ME3: variants seen among roughly 807,000 people sequenced by gnomAD.
ME3 encodes the protein NADP-dependent malic enzyme, mitochondrial.
A neutral mutation model predicts 68.9 loss-of-function variants in ME3; 48 were observed. The ratio of observed to expected loss-of-function variants is 0.70; its 90% CI spans 0.55 to 0.89. The LOEUF (loss-of-function observed/expected upper bound fraction) is 0.89, where lower values mean the gene tolerates loss of function less well. Ranked by LOEUF, ME3 falls within the 40% of genes least tolerant of loss-of-function variation. The pLI is 0.00. For missense variants in ME3, 675 were observed against 797.4 expected, an observed-to-expected ratio of 0.85 and a Z score of 1.85; for synonymous variants, 320 against 318.8, an observed-to-expected ratio of 1.00 and a Z score of -0.04.
chr11:86,577,304 G>T (rs1310158043), intron 2 of ME3, among the ~76,000 whole-genome samples: 1 of 152,120 alleles, frequency 6.6e-6, no homozygotes, highest in African/African-American at 2.4e-5. Context: ...ACACCTCCTA[G>T]GGTCCTCACA....
chr11:86,521,708 A>G (rs1268302737), intron 4 of ME3, among the ~76,000 whole-genome samples: 1 of 152,126 alleles, frequency 6.6e-6, no homozygotes, highest in Non-Finnish European at 1.5e-5. Context: ...ACAATTATTT[A>G]TTTTTCTTTT....
intron 4 of ME3, among the ~76,000 whole-genome samples, chr11:86,510,530 T>C (rs1953440351): frequency 6.6e-6 from 1 of 152,210 alleles, no homozygotes; most frequent in African/African-American, 2.4e-5. Context: ...GGCCAATGAC[T>C]CTCAAATATC....
chr11:86,656,713 C>T (rs1214973941), intron 2 of ME3, among the ~76,000 whole-genome samples: 18 of 152,024 alleles, frequency 1.2e-4, no homozygotes, highest in South Asian at 8.3e-4. Context: ...CAAACCTGCA[C>T]GTTGTGCACA....
At position 86,446,225 on chromosome 11, in the gene ME3, G is replaced by A. The variant is rs567719091; in HGVS notation, c.1554+89C>T. ...CCACTGGCAATGTTGGGGCAGATGG[G>A]CAGAAGAGATAAGAGAGATCTGGTA... On this transcript the variant is annotated intron_variant, in intron 13 of 14. Coordinates refer to ENST00000543262, the Ensembl canonical transcript of ME3. The A allele has an allele frequency of 1.5e-4, 222 of 1,452,892 alleles. No individual in the cohort carries two copies. In the Middle Eastern group the frequency reaches 1.7e-3, roughly 11 times the overall value. The allele number at this position is 1,452,892 out of a possible 1,614,324, so 90.0% of individuals were successfully genotyped here. A position where few individuals can be genotyped will look rare whatever the true frequency, so the allele number is the denominator to read the frequency against.
chr11:86,449,973 G>A (rs747249141), exon 10 of ME3: 1 of 1,614,036 alleles, frequency 6.2e-7, no homozygotes, highest in South Asian at 1.1e-5. Context: ...CTAGGGCCAT[G>A]ACAAGGAGGT....
chr11:86,653,445 T>C (rs1945618177), intron 2 of ME3, among the ~76,000 whole-genome samples: 2 of 152,178 alleles, frequency 1.3e-5, no homozygotes, highest in Non-Finnish European at 2.9e-5. Context: ...AGAAACTCTC[T>C]CAAAACTGCT....
intron 3 of ME3, among the ~76,000 whole-genome samples, chr11:86,558,469 G>T (rs904672088): frequency 1.3e-5 from 2 of 152,148 alleles, no homozygotes; most frequent in Non-Finnish European, 2.9e-5. Flanking sequence ...AGGGGTGGAG[G>T]TATGAGCAGA....
intron 7 of ME3, among the ~76,000 whole-genome samples, 186 bp downstream of exon 7, chr11:86,487,151 C>G (rs981235022): frequency 6.6e-6 from 1 of 152,168 alleles, no homozygotes; most frequent in African/African-American, 2.4e-5. Flanking sequence ...CAGGGATTCT[C>G]TCAGAGAATG....
intron 4 of ME3, among the ~76,000 whole-genome samples, chr11:86,515,949 A>G (rs1013034009): frequency 6.6e-6 from 1 of 152,180 alleles, no homozygotes; most frequent in African/African-American, 2.4e-5. Flanking sequence ...TGAGCAAATT[A>G]TAGGCTGCCC....
Position 86,462,466 on chromosome 11 carries a change from C to T in ME3, c.919+2625G>A, listed in dbSNP as rs751002984. 48 of 775,834 alleles carry T rather than the reference C, an allele frequency of 6.2e-5. No homozygotes were observed. The Admixed American group carries it at 2.0e-3, about 32-fold the overall frequency. 48.1% of individuals were successfully genotyped at this position (775,834 alleles called of 1,614,324 possible). Reference sequence around the variant, plus strand: ...TTTTTGACTGTGTGGGGCATTGGCACCTGTAACCACCACCTTTGTTCAAGG... The same window carrying T: ...TTTTTGACTGTGTGGGGCATTGGCATCTGTAACCACCACCTTTGTTCAAGG... On this transcript the variant is annotated intron_variant, in intron 8 of 14. Coordinates refer to ENST00000543262, the Ensembl canonical transcript of ME3.
chr11:86,658,273 G>A (rs1005582034), intron 2 of ME3, among the ~76,000 whole-genome samples: 2 of 151,948 alleles, frequency 1.3e-5, no homozygotes, highest in South Asian at 2.1e-4. Context: ...ACAGGCATGC[G>A]TCACCAGCCC....
At chr11:86,539,116 T>C (rs1017765229) in intron 4 of ME3, among the ~76,000 whole-genome samples, 1 of 152,108 alleles carries the variant, frequency 6.6e-6, no homozygotes, top group Non-Finnish European at 1.5e-5. Flanking sequence ...CTGAAAAAAT[T>C]GGGGTTGTTA....
chr11:86,457,479 T>C, intron 8 of ME3: 1 of 1,035,018 alleles, frequency 9.7e-7, no homozygotes, highest in Non-Finnish European at 1.2e-6. Flanking sequence ...TTTTTTTCCT[T>C]TGGGAAGCTA....
chr11:86,578,043 A>G (rs1361345894), intron 2 of ME3, among the ~76,000 whole-genome samples: 1 of 152,226 alleles, frequency 6.6e-6, no homozygotes, highest in Non-Finnish European at 1.5e-5. Flanking sequence ...GAGAAATTTC[A>G]TATCTGCTCC....
At chr11:86,480,253 A>ATGAGT (rs1951323885) in intron 7 of ME3, among the ~76,000 whole-genome samples, 2 of 152,238 alleles carry the variant, frequency 1.3e-5, no homozygotes, top group Admixed American at 6.5e-5. Flanking sequence ...AGCTTCTATG[A>ATGAGT]TGAGTTTTCT....
intron 4 of ME3, among the ~76,000 whole-genome samples, chr11:86,512,067 C>G (rs1418045118): frequency 6.6e-6 from 1 of 152,156 alleles, no homozygotes; most frequent in Non-Finnish European, 1.5e-5. Flanking sequence ...CTAAGCCACT[C>G]CCTCCTCTCA....
intron 7 of ME3, among the ~76,000 whole-genome samples, chr11:86,465,836 C>T (rs75749778): frequency 0.077 from 11,737 of 152,192 alleles, 499 homozygotes; most frequent in South Asian, 0.11. Context: ...CAGTTACTGA[C>T]CTTGTTTAAA....
Position 86,528,569 on chromosome 11 carries a change from T to C in ME3, c.468-19702A>G, listed in dbSNP as rs536897077. Among the ~76,000 whole-genome samples, 3 of 152,122 alleles carry C rather than the reference T, an allele frequency of 2.0e-5. No homozygotes were observed. In the South Asian group the frequency reaches 6.3e-4, roughly 32 times the overall value. On this transcript the variant is annotated intron_variant, in intron 4 of 14. Coordinates refer to ENST00000543262, the Ensembl canonical transcript of ME3. ...AGAATATACATTCTTTTCAGCACCG[T>C]GCCACACCTACTCCAAAATTGACCA...
intron 2 of ME3, among the ~76,000 whole-genome samples, chr11:86,605,579 T>A (rs1961509317): frequency 6.6e-6 from 1 of 152,244 alleles, no homozygotes; most frequent in Non-Finnish European, 1.5e-5. Flanking sequence ...CATGACAATC[T>A]ATGACCTGGC....
Sources: gnomAD v4.1 joint callset for allele counts (sites outside exome capture counted in the v4.1 genomes callset) on GRCh38, gnomAD v4.1.1 for gene constraint, MANE v1.5 for transcripts, NCBI Gene and HGNC (gene_info 2026-07-23, HGNC 2026-07-21) for gene names.